GPC6: variants seen among roughly 807,000 people sequenced by gnomAD.
The protein encoded by GPC6 is glypican 6.
GPC6 carries 14 observed loss-of-function variants against 55.2 expected under a neutral mutation model. The observed-to-expected ratio is 0.25, with a 90% confidence interval of 0.17 to 0.40. The LOEUF is 0.40. GPC6 is among the 10% of genes least tolerant of loss of function. GPC6 has a pLI of 1.00. For synonymous variants in GPC6, 278 were observed against 259.6 expected (o/e 1.07, Z -0.68); for missense variants, 641 against 708.5 (o/e 0.90, Z 1.08).
At chr13:94,247,857 G>A (rs992384377) in intron 4 of GPC6, among the ~76,000 whole-genome samples, 14 of 151,354 alleles carry the variant, frequency 9.2e-5, no homozygotes, top group Non-Finnish European at 1.9e-4. Context: ...TGGGGGTCTC[G>A]CTGTTTTGCC....
At chr13:94,148,994 T>A (rs1887649484) in intron 4 of GPC6, among the ~76,000 whole-genome samples, 1 of 152,154 alleles carries the variant, frequency 6.6e-6, no homozygotes, top group African/African-American at 2.4e-5. Context: ...AACAGAAATT[T>A]CACTACTTCT....
chr13:94,044,262 C>G (rs1883644745), intron 4 of GPC6, among the ~76,000 whole-genome samples: 1 of 151,742 alleles, frequency 6.6e-6, no homozygotes, highest in Non-Finnish European at 1.5e-5. Flanking sequence ...TTTTTTCTTA[C>G]AAGAAGGGTA....
chr13:93,916,295 G>A (rs780009260), intron 3 of GPC6, among the ~76,000 whole-genome samples: 2 of 152,146 alleles, frequency 1.3e-5, no homozygotes, highest in Admixed American at 6.5e-5. Flanking sequence ...TATGACAAAT[G>A]TAAGACTGTT....
intron 2 of GPC6, among the ~76,000 whole-genome samples, chr13:93,827,225 T>C (rs1887296840): frequency 6.6e-6 from 1 of 152,214 alleles, no homozygotes; most frequent in Non-Finnish European, 1.5e-5. Context: ...TTTCTTATAT[T>C]GTCCTTGAAT....
At chr13:93,395,356 C>A in intron 1 of GPC6, 1 of 423,784 alleles carries the variant, frequency 2.4e-6, no homozygotes, top group East Asian at 5.3e-5. Context: ...TGTGTCCATT[C>A]ACAGGATGGT....
At chr13:93,269,891 C>CAAAAAAA (rs529558741) in intron 1 of GPC6, among the ~76,000 whole-genome samples, 2 of 52,586 alleles carry the variant, frequency 3.8e-5, no homozygotes, top group African/African-American at 1.5e-4. Context: ...GACTCCATCT[C>CAAAAAAA]AAAAAAAAAA....
intron 4 of GPC6, among the ~76,000 whole-genome samples, chr13:94,095,081 G>A (rs983585924): frequency 1.3e-5 from 2 of 151,996 alleles, no homozygotes; most frequent in South Asian, 2.1e-4. Context: ...TTTCGTTTCT[G>A]TACTACCTTG....
intron 3 of GPC6, among the ~76,000 whole-genome samples, chr13:93,941,833 T>C (rs1387785847): frequency 6.6e-6 from 1 of 152,232 alleles, no homozygotes; most frequent in African/African-American, 2.4e-5. Context: ...ATTATATCCT[T>C]AGCTTGGGTA....
At chr13:94,357,127 G>GA (rs1878837642) in intron 6 of GPC6, among the ~76,000 whole-genome samples, 2 of 152,076 alleles carry the variant, frequency 1.3e-5, no homozygotes, top group African/African-American at 4.8e-5. Context: ...TGATTCTCCA[G>GA]AAAAAATACT....
rs116570447 is a variant in GPC6, at chr13:94,320,569, G to A, written c.1152+14446G>A. Among the ~76,000 whole-genome samples, 1,416 of 152,248 alleles carry A rather than the reference G, an allele frequency of 9.3e-3. 25 individuals are homozygous for A. The highest frequency in any genetic ancestry group is 0.031 in the African/African-American group (1,307 of 41,544). On this transcript the variant is annotated intron_variant, in intron 6 of 8. Transcript: ENST00000377047. ...TTTCCCTTGGGAACCCCGGCTGTAT[G>A]TGGTGGGTTAGTGATACTGGCTCGT...
intron 1 of GPC6, among the ~76,000 whole-genome samples, chr13:93,319,010 G>A (rs1037763019): frequency 2.0e-4 from 30 of 152,186 alleles, no homozygotes; most frequent in Middle Eastern, 3.4e-3. Context: ...CACAGCTGGG[G>A]GTGGAGTCAG....
intron 4 of GPC6, among the ~76,000 whole-genome samples, chr13:94,237,042 A>G (rs549002596): frequency 2.0e-5 from 3 of 152,170 alleles, no homozygotes; most frequent in Non-Finnish European, 4.4e-5. Flanking sequence ...AGAGTAATAA[A>G]CAGGAGGTTA....
intron 4 of GPC6, among the ~76,000 whole-genome samples, chr13:94,159,708 G>A (rs1888086896): frequency 2.6e-5 from 4 of 152,168 alleles, no homozygotes; most frequent in Admixed American, 2.6e-4. Flanking sequence ...GGAAGCGTAT[G>A]CGAGAATTAC....
At position 93,975,682 on chromosome 13, in the gene GPC6, G is replaced by A. The variant is rs141284391; in HGVS notation, c.712-52047G>A. ...CAAGACCTGCTATCCTGATCCTGGT[G>A]TATATGTTTCATTTTTCCCCTTTAC... On this transcript the variant is annotated intron_variant, in intron 3 of 8. Coordinates refer to ENST00000377047, the MANE Select transcript of GPC6 (RefSeq NM_005708.5). Among the ~76,000 whole-genome samples the A allele has an allele frequency of 2.4e-3, 362 of 152,276 alleles. 1 individual carries two copies. The highest frequency in any genetic ancestry group is 4.0e-3 in the Non-Finnish European group (273 of 68,022).
At chr13:93,553,244 C>CT (rs151318261) in intron 2 of GPC6, among the ~76,000 whole-genome samples, 27,112 of 151,234 alleles carry the variant, frequency 0.18, 2,785 homozygotes, top group East Asian at 0.3. Flanking sequence ...GTAAGAGTTC[C>CT]TTTTTTTTTC....
chr13:93,646,806 G>A lies in GPC6; in HGVS notation c.319+101385G>A, dbSNP rs74111518. ...CTTGGCATCCTGTATCATGATGTCTGTGGTGGAATGAAGAAATAATTAGAT... is the reference window on the plus strand; with the variant it reads ...CTTGGCATCCTGTATCATGATGTCTATGGTGGAATGAAGAAATAATTAGAT... On this transcript the variant is annotated intron_variant, in intron 2 of 8. Transcript: ENST00000377047. Among the ~76,000 whole-genome samples the A allele has an allele frequency of 2.9e-3, 433 of 151,670 alleles. 4 individuals carry two copies. Among genetic ancestry groups the A allele is most frequent in the African/African-American group, 9.7e-3 (399 of 41,338 alleles).
chr13:93,839,715 A>T (rs562622205), intron 3 of GPC6, among the ~76,000 whole-genome samples: 1 of 152,034 alleles, frequency 6.6e-6, no homozygotes, highest in Non-Finnish European at 1.5e-5. Context: ...CAGAGATTCA[A>T]TGTTATGAGG....
At chr13:94,298,613 T>A (rs915126132) in intron 5 of GPC6, among the ~76,000 whole-genome samples, 7 of 152,236 alleles carry the variant, frequency 4.6e-5, no homozygotes, top group Admixed American at 4.6e-4. Flanking sequence ...AACTATTTTG[T>A]GTGCAAGGTC....
chr13:94,083,211 C>T (rs1885163560), intron 4 of GPC6, among the ~76,000 whole-genome samples: 1 of 152,126 alleles, frequency 6.6e-6, no homozygotes, highest in South Asian at 2.1e-4. Flanking sequence ...CTCTGCCTCC[C>T]TGGTACTTGC....
Sources: gnomAD v4.1 joint callset for allele counts (sites outside exome capture counted in the v4.1 genomes callset) on GRCh38, gnomAD v4.1.1 for gene constraint, MANE v1.5 for transcripts, NCBI Gene and HGNC (gene_info 2026-07-23, HGNC 2026-07-21) for gene names.